SRPRB: variants seen among roughly 807,000 people sequenced by gnomAD.
The protein encoded by SRPRB is SRP receptor subunit beta, also known as signal recognition particle receptor subunit beta.
In SRPRB, 20 loss-of-function variants were observed where a neutral mutation model predicts 31.9. The observed-to-expected ratio is 0.63, with a 90% CI of 0.44 to 0.91. SRPRB has a LOEUF of 0.91. SRPRB is among the 40% of genes least tolerant of loss of function. The probability of loss-of-function intolerance (pLI) is 0.00; values close to 1 mark genes in which losing one functional copy is unlikely to be tolerated. For synonymous variants in SRPRB, 146 were observed against 132.8 expected, an observed-to-expected ratio of 1.10 and a Z score of -0.68; for missense variants, 321 against 324.9, an observed-to-expected ratio of 0.99 and a Z score of 0.09.
At chr3:133,823,759 G>A (rs569084963), downstream of SRPRB, among the ~76,000 whole-genome samples, 25 of 152,158 alleles carry the variant, frequency 1.6e-4, no homozygotes, top group African/African-American at 6.0e-4. Flanking sequence ...GTGTGGTGTG[G>A]GGCTGGGGAT....
At chr3:133,792,840 T>C (rs929309686) in intron 1 of SRPRB, 2 of 152,144 alleles carry the variant, frequency 1.3e-5, no homozygotes, top group Non-Finnish European at 2.9e-5. Context: ...TGTGAACATA[T>C]TGACTAAATT....
At chr3:133,805,145 G>T (rs1041427783), upstream of SRPRB, among the ~76,000 whole-genome samples, 4 of 152,130 alleles carry the variant, frequency 2.6e-5, no homozygotes, top group African/African-American at 9.7e-5. Flanking sequence ...GTTTTCAACA[G>T]CCCCAGCTCT....
chr3:133,802,145 C>G (rs1935071670), upstream of SRPRB, among the ~76,000 whole-genome samples: 1 of 152,160 alleles, frequency 6.6e-6, no homozygotes, highest in Middle Eastern at 3.2e-3. Flanking sequence ...TGGCTTGTGC[C>G]TGTAATCCCA....
Position 133,819,604 on chromosome 3 carries a change from C to T in SRPRB, c.654C>T (p.Ser218=), listed in dbSNP as rs780615227. The change falls in exon 7 of 7, where the codon TCC becomes TCT. Residue 218 remains serine, a synonymous_variant. Transcript: ENST00000678299. ...RSAAPSTLDS[S]STAPAQLGKK... is the part of the protein sequence containing the mutation. Reference sequence around the variant, plus strand: ...CTGCCCCCAGCACACTGGACAGTTCCAGCACTGCCCCTGCTCAGCTGGGGA... The same window carrying T: ...CTGCCCCCAGCACACTGGACAGTTCTAGCACTGCCCCTGCTCAGCTGGGGA... 1.9e-6 allele frequency: 3 copies of T among 1,614,212 alleles called. No homozygotes were observed. Among genetic ancestry groups the T allele is most frequent in the Non-Finnish European group, 2.5e-6 (3 of 1,180,036 alleles).
chr3:133,823,141 C>T (rs368369016), downstream of SRPRB, among the ~76,000 whole-genome samples: 10 of 152,238 alleles, frequency 6.6e-5, no homozygotes, highest in African/African-American at 2.4e-4. Context: ...CAGCTGCCAG[C>T]CATGCAGCCC....
intron 4 of SRPRB, among the ~76,000 whole-genome samples, chr3:133,812,486 A>G (rs1935283146): frequency 6.6e-6 from 1 of 152,240 alleles, no homozygotes; most frequent in Admixed American, 6.5e-5. Context: ...TTTTGGGTAA[A>G]TAAAACATGC....
intron 5 of SRPRB, 68 bp downstream of exon 5, chr3:133,815,794 C>T (rs958564810): frequency 1.9e-6 from 3 of 1,551,058 alleles, no homozygotes; most frequent in Middle Eastern, 1.7e-4. Flanking sequence ...GAATTATTTC[C>T]ATTATTTACA....
downstream of SRPRB, chr3:133,828,053 C>G: frequency 1.4e-6 from 1 of 696,850 alleles, no homozygotes; most frequent in Non-Finnish European, 2.6e-6. Context: ...GTTGCCTGTA[C>G]CCTCAACCCC....
chr3:133,805,807 G>C (rs201569932), upstream of SRPRB: 11 of 1,576,100 alleles, frequency 7.0e-6, no homozygotes, highest in Non-Finnish European at 7.7e-6. Context: ...AGAGTGCAGG[G>C]CCACGTCGCT....
At chr3:133,824,904 C>G (rs919404584), downstream of SRPRB, 2 of 152,174 alleles carry the variant, frequency 1.3e-5, no homozygotes, top group African/African-American at 4.8e-5. Flanking sequence ...TTCACTGGTT[C>G]TGATCACTCC....
At chr3:133,815,470 T>A in intron 4 of SRPRB, 120 bp from the exon 5 acceptor site, 1 of 1,166,058 alleles carries the variant, frequency 8.6e-7, no homozygotes, top group African/African-American at 1.5e-5. Flanking sequence ...CAGACCTGCA[T>A]GTGTGTCTGC....
chr3:133,805,724 TCGC>T (rs574895882), upstream of SRPRB: 176 of 1,310,996 alleles, frequency 1.3e-4, 1 homozygote, highest in South Asian at 2.7e-3. Flanking sequence ...ACTTGGGGGA[TCGC>T]CGCGGCTGAG....
At chr3:133,825,046 GGA>G (rs1032970459), downstream of SRPRB, 2 of 152,212 alleles carry the variant, frequency 1.3e-5, no homozygotes, top group African/African-American at 4.8e-5. Context: ...CATTCTTTGG[GGA>G]GAGGCAGTTC....
downstream of SRPRB, chr3:133,828,173 G>A (rs1489432090): frequency 1.7e-6 from 1 of 592,184 alleles, no homozygotes; most frequent in Non-Finnish European, 3.0e-6. Context: ...ACACGAGGTT[G>A]ACGACCCACT....
intron 1 of SRPRB, chr3:133,784,417 G>A (rs1336044606): frequency 1.3e-5 from 2 of 149,600 alleles, no homozygotes; most frequent in Non-Finnish European, 3.0e-5. Flanking sequence ...AAGAGGTTGT[G>A]ACTTATGATA....
chr3:133,810,986 G>A, intron 3 of SRPRB, 131 bp from the exon 4 acceptor site: 1 of 855,002 alleles, frequency 1.2e-6, no homozygotes, highest in Non-Finnish European at 1.8e-6. Flanking sequence ...TGTTTTATGA[G>A]TAGAAGATGC....
intron 1 of SRPRB, chr3:133,792,418 ATGCCACTATGACTCTTAACTCTACAACT>A (rs1934863441): frequency 2.6e-5 from 4 of 152,236 alleles, no homozygotes; most frequent in African/African-American, 9.6e-5. Flanking sequence ...GCTTCATAAA[ATGCCACTATGACTCTTAACTCTACAACT>A]TGCCTGCTTT....
At chr3:133,811,329 G>A (rs1935258460) in intron 4 of SRPRB, 130 bp downstream of exon 4, 1 of 784,582 alleles carries the variant, frequency 1.3e-6, no homozygotes, top group Admixed American at 2.9e-5. Context: ...GGTGACCTTG[G>A]GGTCAGCCAG....
At chr3:133,817,579 G>A (rs989314757) in intron 6 of SRPRB, among the ~76,000 whole-genome samples, 2 of 152,138 alleles carry the variant, frequency 1.3e-5, no homozygotes, top group Non-Finnish European at 2.9e-5. Context: ...TCTGCGTTAT[G>A]CCAATTTGTA....
Sources: allele counts gnomAD v4.1 joint callset (sites outside exome capture counted in the v4.1 genomes callset), GRCh38; gene constraint gnomAD v4.1.1; transcripts MANE v1.5; gene names NCBI Gene and HGNC (gene_info 2026-07-23, HGNC 2026-07-21).